Variants in ADAM33 observed in about 807,000 individuals in gnomAD.
The protein encoded by ADAM33 is ADAM metallopeptidase domain 33, also known as disintegrin and metalloproteinase domain-containing protein 33.
Under a neutral mutation model 106.2 loss-of-function variants are expected in ADAM33, and 103 were observed. The observed-to-expected ratio is 0.97, with a 90% confidence interval of 0.83 to 1.14. The LOEUF (loss-of-function observed/expected upper bound fraction) is 1.14. Ranked by LOEUF, ADAM33 falls within the 50% of genes most tolerant of loss-of-function variation. The pLI is 0.00. For missense variants in ADAM33, 1,120 were observed against 1,096.6 expected (o/e 1.02, Z -0.30); for synonymous variants, 483 against 453.0 (o/e 1.07, Z -0.84).
chr20:3,672,919 T>C (rs2146385568), intron 11 of ADAM33, 21 bp from the exon 12 acceptor site: 8 of 1,545,442 alleles, frequency 5.2e-6, no homozygotes, highest in East Asian at 2.3e-5. Flanking sequence ...GGGGAGGGCA[T>C]TGGGCATGGA....
intron 11 of ADAM33, 34 bp downstream of exon 11, chr20:3,673,320 G>T (rs746484033): frequency 6.5e-7 from 1 of 1,535,328 alleles, no homozygotes; most frequent in South Asian, 1.2e-5. Context: ...AGGACTAGCC[G>T]CCCCGCCGCA....
chr20:3,680,705 G>C (rs1402805101), intron 1 of ADAM33, among the ~76,000 whole-genome samples: 2 of 152,204 alleles, frequency 1.3e-5, no homozygotes, highest in African/African-American at 2.4e-5. Flanking sequence ...AGAGAACCAA[G>C]CTTTGCTGCT....
intron 1 of ADAM33, among the ~76,000 whole-genome samples, chr20:3,680,134 G>T (rs754361317): frequency 6.6e-6 from 1 of 152,116 alleles, no homozygotes; most frequent in Non-Finnish European, 1.5e-5. Context: ...AAGGGGAGGG[G>T]ACGCTTCTGG....
Position 3,674,541 on chromosome 20 carries a change from G to T in ADAM33, c.563C>A (p.Ala188Glu). The part of the protein sequence containing the change: ...TCGHRDPGNK[A>E]GMTSLPGGPQ... ...ACCACCAGGAAGGCTGGTCATGCCC[G>T]CTTTGTTCCCAGGATCCCTGTGGCC... Residue 188 changes from alanine (A) to glutamate (E), a missense_variant, in exon 6 of 22, where the codon GCG (alanine) becomes GAG (glutamate). By Grantham distance (107) the Ala-to-Glu change is moderately radical. Coordinates refer to ENST00000356518, the MANE Select transcript of ADAM33 (RefSeq NM_025220.5). 2 of 1,613,520 alleles carry T rather than the reference G, an allele frequency of 1.2e-6. No homozygotes were observed. The highest frequency in any genetic ancestry group is 1.7e-6 in the Non-Finnish European group (2 of 1,179,918).
At chr20:3,669,865 C>G (rs2087416527) in intron 19 of ADAM33, 1 of 632,524 alleles carries the variant, frequency 1.6e-6, no homozygotes, top group Admixed American at 2.4e-5. Flanking sequence ...CCTCCTCTCT[C>G]TAGTCCTAAC....
In ADAM33 at chr20:3,675,819, C is replaced by T. The variant is rs2087905784; in HGVS notation, c.255-714G>A. On this transcript the variant is annotated intron_variant, in intron 3 of 21. Coordinates refer to ENST00000356518, the MANE Select transcript of ADAM33 (RefSeq NM_025220.5). This position sits in a 1 kb window ranked among gnomAD's most constrained non-coding sequence, Gnocchi z 4.1. ...TCTTTAAAGAAAATCCTTAACCCAA[C>T]CTCACCTTGGCCTCATTACCTCCAG... is the stretch of plus-strand genomic sequence containing the variant. 6.6e-6 allele frequency among the ~76,000 whole-genome samples: 1 copy of T among 152,050 alleles called. No homozygotes were observed. The highest frequency in any genetic ancestry group is 1.9e-4 in the East Asian group (1 of 5,190).
At chr20:3,680,673 C>G (rs1259561627) in intron 1 of ADAM33, among the ~76,000 whole-genome samples, 1 of 152,158 alleles carries the variant, frequency 6.6e-6, no homozygotes, top group Non-Finnish European at 1.5e-5. Context: ...TCTCTCAGCC[C>G]AGAGAGCACT....
At position 3,671,303 on chromosome 20, in the gene ADAM33, C is replaced by A. The variant is rs2087517619; in HGVS notation, c.2026G>T (p.Ala676Ser). The change falls in exon 18 of 22, where the codon GCT becomes TCT. Residue 676 changes from alanine (A) to serine (S), a missense_variant. By Grantham distance (99) the Ala-to-Ser change is moderately conservative. Transcript: ENST00000356518. ...CCTGGCTTGTCACAGAAGGGTGGAGCCCAGCCTGGAGCACAGTGGCAGTTA... is the reference window on the plus strand; with the variant it reads ...CCTGGCTTGTCACAGAAGGGTGGAGACCAGCCTGGAGCACAGTGGCAGTTA... ...NHNCHCAPGW[A>S]PPFCDKPGFG... is the part of the protein sequence containing the mutation. 6.2e-7 allele frequency: 1 copy of A among 1,613,884 alleles called. No homozygotes were observed. The highest frequency in any genetic ancestry group is 1.7e-5 in the Admixed American group (1 of 60,012).
chr20:3,680,908 G>A (rs1296266636), intron 1 of ADAM33, among the ~76,000 whole-genome samples: 1 of 152,146 alleles, frequency 6.6e-6, no homozygotes, highest in Non-Finnish European at 1.5e-5. Flanking sequence ...GGGTGAATGG[G>A]GGTGGAACCC....
At chr20:3,670,275 C>T (rs1477739028) in intron 19 of ADAM33, 1 of 170,138 alleles carries the variant, frequency 5.9e-6, no homozygotes, top group Admixed American at 5.7e-5. Context: ...CTGCCCCTGT[C>T]TGTTATGCCC....
intron 2 of ADAM33, 34 bp downstream of exon 2, chr20:3,679,458 G>A (rs747846899): frequency 1.3e-5 from 21 of 1,577,258 alleles, no homozygotes; most frequent in African/African-American, 2.7e-5. Flanking sequence ...GAGGTTCAGG[G>A]CCCCTGTGGA....
At chr20:3,673,294 A>G (rs779144297) in intron 11 of ADAM33, 60 bp downstream of exon 11, 24 of 1,534,618 alleles carry the variant, frequency 1.6e-5, no homozygotes, top group Non-Finnish European at 5.2e-6. Context: ...AAAGAAACGC[A>G]GCGGAGGAAG....
intron 4 of ADAM33, 37 bp from the exon 5 acceptor site, chr20:3,674,886 G>A (rs1251419118): frequency 6.2e-7 from 1 of 1,608,606 alleles, no homozygotes; most frequent in Non-Finnish European, 8.5e-7. Context: ...TCTCAGCCAG[G>A]GCTGGAGCAA....
intron 1 of ADAM33, among the ~76,000 whole-genome samples, chr20:3,681,242 C>A (rs1449040319): frequency 2.0e-5 from 3 of 152,222 alleles, no homozygotes; most frequent in African/African-American, 7.2e-5. Flanking sequence ...ATCTTAACAT[C>A]TTTGTTTGGA....
Position 3,671,965 on chromosome 20 carries a change from C to T in ADAM33, c.1618G>A (p.Ala540Thr). 6.4e-7 allele frequency: 1 copy of T among 1,555,842 alleles called. No individual in the cohort carries two copies. The highest frequency in any genetic ancestry group is 1.2e-5 in the South Asian group (1 of 84,388). The change falls in exon 15 of 22, where the codon GCC becomes ACC. Residue 540 changes from alanine (A) to threonine (T), a missense_variant. Coordinates refer to ENST00000356518, the MANE Select transcript of ADAM33 (RefSeq NM_025220.5). ...GCAGAGTTCACCACCTGGAAACAGG[C>T]CTCGGGAGCTGGGTGGGAGCCTGAG... is the stretch of plus-strand genomic sequence containing the variant. ...WGPGSHPAPE[A>T]CFQVVNSAGD... is the part of the protein sequence containing the mutation.
chr20:3,669,230 C>A, intron 21 of ADAM33, 69 bp downstream of exon 21: 1 of 1,334,012 alleles, frequency 7.5e-7, no homozygotes, highest in Non-Finnish European at 1.0e-6. Context: ...GGGCAGCAAA[C>A]TGAGGGGTGG....
intron 21 of ADAM33, 44 bp from the exon 22 acceptor site, chr20:3,669,044 C>T (rs1413681093): frequency 1.2e-6 from 2 of 1,607,242 alleles, no homozygotes; most frequent in Admixed American, 1.7e-5. Flanking sequence ...ACTGGGGCCC[C>T]AGGCTGCAAG....
Position 3,673,751 on chromosome 20 carries a change from A to C in ADAM33, c.899T>G (p.Leu300Arg), listed in dbSNP as rs754661606. 6.6e-7 allele frequency: 1 copy of C among 1,507,782 alleles called. No homozygotes were observed. The highest frequency in any genetic ancestry group is 1.4e-5 in the African/African-American group (1 of 71,362). 93.4% of individuals were successfully genotyped at this position (1,507,782 alleles called of 1,614,324 possible). A position where few individuals can be genotyped will look rare whatever the true frequency, so the allele number is the denominator to read the frequency against. The change falls in exon 9 of 22, where the codon CTG (leucine) becomes CGG (arginine). Residue 300 changes from leucine to arginine, a missense_variant. Leu to Arg is a moderately radical substitution (Grantham distance 102). Coordinates refer to ENST00000356518, the MANE Select transcript of ADAM33 (RefSeq NM_025220.5). ...WAQRPHDSAQ[L>R]LTGRAFQGAT... ...CCGGGTCAGAGGCACCCACGTGAGC[A>C]GCTGCGCGGAGTCGTGGGGCCGCTG... is the stretch of plus-strand genomic sequence containing the variant.
chr20:3,669,582 A>C lies in ADAM33; in HGVS notation c.2296T>G (p.Leu766Val). The part of the protein sequence containing the change: ...HPLGGVHPME[L>V]GPTATGQPWP... ...GGCTGTCCAGTGGCTGTGGGGCCCA[A>C]CTCCATGGGGTGAACGCCGCCCAGG... Residue 766 changes from leucine (L) to valine (V), a missense_variant, in exon 20 of 22, where the codon TTG (leucine) becomes GTG (valine). Physicochemically the swap from Leu to Val is conservative, Grantham distance 32. Coordinates refer to ENST00000356518, the MANE Select transcript of ADAM33 (RefSeq NM_025220.5). The C allele has an allele frequency of 6.2e-7, 1 of 1,602,062 alleles. No individual in the cohort carries two copies. The highest frequency in any genetic ancestry group is 8.5e-7 in the Non-Finnish European group (1 of 1,175,484).
Sources: allele counts gnomAD v4.1 joint callset (sites outside exome capture counted in the v4.1 genomes callset), GRCh38; gene constraint gnomAD v4.1.1; non-coding constraint Gnocchi (gnomAD v3.1); transcripts MANE v1.5; gene names NCBI Gene and HGNC (gene_info 2026-07-23, HGNC 2026-07-21).